MESD: variants seen among roughly 807,000 people sequenced by gnomAD.
The protein encoded by MESD is LRP chaperone MESD.
A neutral mutation model predicts 12.9 loss-of-function variants in MESD; 7 were observed. The observed-to-expected ratio is 0.54, with a 90% CI of 0.31 to 1.02. The LOEUF is 1.02. MESD is among the 50% of genes least tolerant of loss of function. MESD has a pLI of 0.05. For missense variants in MESD, 342 were observed against 296.7 expected (o/e 1.15, Z -1.12); for synonymous variants, 126 against 115.6 (o/e 1.09, Z -0.58).
rs568409970 is a variant in MESD, at chr15:80,948,704, C to T, written c.*821G>A. ...GTGTGGCTAGGCGGTACCTGGTGGG[C>T]GTGGGGGGCTGGCGATGGGGAGCCA... On this transcript the variant is annotated 3_prime_UTR_variant, in exon 5 of 5. Transcript: ENST00000561312. 7.6e-4 allele frequency: 1,169 copies of T among 1,540,964 alleles called. 3 individuals are homozygous for T. The highest frequency in any genetic ancestry group is 3.3e-3 in the African/African-American group (244 of 73,676).
chr15:80,974,937 GA>G (rs1229943298), downstream of MESD, among the ~76,000 whole-genome samples: 2 of 150,730 alleles, frequency 1.3e-5, no homozygotes, highest in South Asian at 2.1e-4. Context: ...AGTCATAAAG[GA>G]AAAAAATTTT....
chr15:80,951,976 C>CG (rs1567117537), exon 4 of MESD: 3 of 322,956 alleles, frequency 9.3e-6, no homozygotes, highest in African/African-American at 6.5e-5. Context: ...TGCCCCAAGG[C>CG]GGGGTGTCCA....
At chr15:80,947,132 G>GA, downstream of MESD, 1 of 1,021,550 alleles carries the variant, frequency 9.8e-7, no homozygotes, top group South Asian at 1.3e-5. Context: ...GGCATGGAGG[G>GA]TGCTGTCATC....
At chr15:80,949,179 G>A (rs1379477524) in intron 4 of MESD, 7 of 533,808 alleles carry the variant, frequency 1.3e-5, no homozygotes, top group African/African-American at 1.1e-4. Flanking sequence ...AGCCTCTTGG[G>A]TGCTTCTCTC....
intron 2 of MESD, among the ~76,000 whole-genome samples, chr15:80,980,148 C>T (rs2141810559): frequency 6.6e-6 from 1 of 152,306 alleles, no homozygotes; most frequent in Admixed American, 6.5e-5. Context: ...TCTAATGCTC[C>T]CACCACTCCA....
chr15:80,946,772 A>T (rs1389199515), downstream of MESD: 1 of 614,328 alleles, frequency 1.6e-6, no homozygotes, highest in African/African-American at 1.8e-5. Context: ...GAGGGAGCTC[A>T]GGATGTTCGT....
At chr15:80,948,167 G>A (rs1345342851) in exon 5 of MESD, 1 of 158,326 alleles carries the variant, frequency 6.3e-6, no homozygotes, top group African/African-American at 2.4e-5. Flanking sequence ...TCCCGGTGGT[G>A]ATAAATGCAT....
intron 3 of MESD, among the ~76,000 whole-genome samples, chr15:80,966,526 C>T (rs544851043): frequency 6.6e-6 from 1 of 152,248 alleles, no homozygotes; most frequent in South Asian, 2.1e-4. Flanking sequence ...CCCAGTGCTC[C>T]CCATATTAGA....
At chr15:80,967,164 T>G (rs1902190854) in intron 3 of MESD, among the ~76,000 whole-genome samples, 1 of 152,030 alleles carries the variant, frequency 6.6e-6, no homozygotes, top group Non-Finnish European at 1.5e-5. Flanking sequence ...TGGTGGTGCA[T>G]GCTTGTAATC....
At chr15:80,949,934 C>T (rs1333961421) in intron 4 of MESD, 2 of 152,224 alleles carry the variant, frequency 1.3e-5, no homozygotes, top group Admixed American at 1.3e-4. Flanking sequence ...TACGGGGTCG[C>T]CCTTTGCTCA....
chr15:80,968,465 C>T (rs998676415), intron 3 of MESD, among the ~76,000 whole-genome samples: 1 of 152,172 alleles, frequency 6.6e-6, no homozygotes. Flanking sequence ...AAGCTTCTGT[C>T]TAGTCACCTG....
exon 4 of MESD, chr15:80,952,010 A>T (rs1901849636): frequency 2.9e-6 from 1 of 350,704 alleles, no homozygotes. Context: ...AGATGGTTCA[A>T]AGAAAGAGAA....
At chr15:80,989,461 A>G in intron 1 of MESD, 118 bp downstream of exon 1, 1 of 1,211,710 alleles carries the variant, frequency 8.3e-7, no homozygotes, top group Non-Finnish European at 1.2e-6. Context: ...TAAGGATTCA[A>G]GGCATGAGTA....
downstream of MESD, chr15:80,946,900 C>G (rs1901578651): frequency 9.0e-7 from 1 of 1,106,248 alleles, no homozygotes. Flanking sequence ...ACCAACATCC[C>G]TCCCCATGCC....
chr15:80,988,853 G>C lies in MESD; in HGVS notation c.213+726C>G, dbSNP rs147242145. Among the ~76,000 whole-genome samples, 369 of 150,768 alleles carry C rather than the reference G, an allele frequency of 2.4e-3. 2 individuals are homozygous for C. Among genetic ancestry groups the C allele is most frequent in the African/African-American group, 8.5e-3 (344 of 40,268 alleles). On this transcript the variant is annotated intron_variant, in intron 1 of 2. Transcript: ENST00000261758. ...TACAATCACCTTAGGAAGGGGAAAA[G>C]GCAGCAATGTGGTTTTGGCCAGTAA...
chr15:80,952,203 T>G (rs1359201652), exon 4 of MESD: 3 of 456,046 alleles, frequency 6.6e-6, no homozygotes, highest in Non-Finnish European at 1.3e-5. Flanking sequence ...GCATGGGGGC[T>G]GAGGTGGGAA....
chr15:80,949,098 C>A, intron 4 of MESD: 1 of 821,860 alleles, frequency 1.2e-6, no homozygotes, highest in Non-Finnish European at 2.0e-6. Context: ...CTGCCACCTG[C>A]CCCTACTCAA....
intron 3 of MESD, among the ~76,000 whole-genome samples, chr15:80,963,475 T>G (rs1179417370): frequency 1.3e-5 from 2 of 152,142 alleles, no homozygotes; most frequent in Non-Finnish European, 2.9e-5. Context: ...CCTAACTCAT[T>G]TTATGAGGCC....
At chr15:80,954,131 G>A (rs1200306257) in intron 3 of MESD, among the ~76,000 whole-genome samples, 1 of 152,088 alleles carries the variant, frequency 6.6e-6, no homozygotes, top group Non-Finnish European at 1.5e-5. Flanking sequence ...ATGTTCCAGG[G>A]CGTAGCTCCA....
Sources: allele counts gnomAD v4.1 joint callset (sites outside exome capture counted in the v4.1 genomes callset), GRCh38; gene constraint gnomAD v4.1.1; transcripts MANE v1.5; gene names NCBI Gene and HGNC (gene_info 2026-07-23, HGNC 2026-07-21).